MTMR9: variants seen among roughly 807,000 people sequenced by gnomAD.
MTMR9 encodes the protein myotubularin related protein 9, also known as myotubularin-related protein 9.
A neutral mutation model predicts 69.5 loss-of-function variants in MTMR9; 39 were observed. The ratio of observed to expected loss-of-function variants is 0.56; its 90% CI spans 0.43 to 0.73. MTMR9 has a LOEUF of 0.73. Among genes scored for constraint, MTMR9 ranks in the 30% least tolerant of loss-of-function variants. MTMR9 has a pLI of 0.00. For synonymous variants in MTMR9, 354 were observed against 240.8 expected (o/e 1.47, Z -4.35); for missense variants, 900 against 671.2 (o/e 1.34, Z -3.77).
At chr8:11,288,228 AAT>A (rs1212879888) in intron 1 of MTMR9, among the ~76,000 whole-genome samples, 1 of 134,310 alleles carries the variant, frequency 7.4e-6, no homozygotes, top group Non-Finnish European at 1.5e-5. Flanking sequence ...TAATAATTAT[AAT>A]ATATAATAAT....
chr8:11,335,391 C>T, the MTMR9 span, among the ~76,000 whole-genome samples: 43 of 152,162 alleles, frequency 2.8e-4, no homozygotes, highest in African/African-American at 8.9e-4. Context: ...AAGAAAGCTA[C>T]GAAGTTCTGA....
At chr8:11,302,490 A>T (rs775154205) in intron 3 of MTMR9, among the ~76,000 whole-genome samples, 5 of 152,108 alleles carry the variant, frequency 3.3e-5, no homozygotes, top group Non-Finnish European at 7.4e-5. Flanking sequence ...TTAAAAGACA[A>T]ATGACCTGCA....
At chr8:11,308,404 T>G (rs1485701625) in intron 5 of MTMR9, among the ~76,000 whole-genome samples, 1 of 152,234 alleles carries the variant, frequency 6.6e-6, no homozygotes, top group East Asian at 1.9e-4. Context: ...TGTCTGTTTT[T>G]ATGCCAGTGC....
intron 1 of MTMR9, among the ~76,000 whole-genome samples, chr8:11,293,888 C>G (rs1466706263): frequency 6.6e-6 from 1 of 151,576 alleles, no homozygotes; most frequent in African/African-American, 2.4e-5. Flanking sequence ...CTCTTTTTTT[C>G]TGTTCAGTTG....
chr8:11,295,287 A>T lies in MTMR9; in HGVS notation c.276A>T (p.Ile92=). ...CTGGAATGGAGGAATGCTTGAATAT[A>T]GCCAGTTCCATTGAGGTAAGTATTT... is the stretch of plus-strand genomic sequence containing the variant. ...DIPGMEECLN[I]ASSIEALSTL... is the part of the protein sequence containing the mutation. Residue 92 remains isoleucine, a synonymous_variant, in exon 2 of 10, where the codon ATA becomes ATT. Coordinates refer to ENST00000221086, the MANE Select transcript of MTMR9 (RefSeq NM_015458.4). The T allele has an allele frequency of 6.3e-7, 1 of 1,592,426 alleles. No homozygotes were observed. The highest frequency in any genetic ancestry group is 1.1e-5 in the South Asian group (1 of 90,060).
intron 3 of MTMR9, among the ~76,000 whole-genome samples, chr8:11,302,703 T>C (rs1394518046): frequency 1.3e-5 from 2 of 152,146 alleles, no homozygotes; most frequent in Non-Finnish European, 2.9e-5. Context: ...TCTAGTCAGC[T>C]CAATAAGACA....
chr8:11,286,873 G>A (rs1311717148), intron 1 of MTMR9, among the ~76,000 whole-genome samples: 1 of 152,046 alleles, frequency 6.6e-6, no homozygotes, highest in Non-Finnish European at 1.5e-5. Context: ...GCTGGTATAT[G>A]TCCTGTATTC....
intron 6 of MTMR9, among the ~76,000 whole-genome samples, 163 bp downstream of exon 6, chr8:11,309,851 G>A (rs931218317): frequency 6.6e-6 from 1 of 152,154 alleles, no homozygotes; most frequent in Non-Finnish European, 1.5e-5. Flanking sequence ...CTAGAGTCTG[G>A]CATTTAATAG....
chr8:11,293,866 T>G, intron 1 of MTMR9, among the ~76,000 whole-genome samples: 1 of 152,194 alleles, frequency 6.6e-6, no homozygotes, highest in East Asian at 1.9e-4. Flanking sequence ...TGTAAGTGGA[T>G]CTATTTCTGG....
At chr8:11,299,402 C>G (rs765954923) in intron 2 of MTMR9, among the ~76,000 whole-genome samples, 2 of 152,166 alleles carry the variant, frequency 1.3e-5, no homozygotes, top group Non-Finnish European at 2.9e-5. Flanking sequence ...CATTATCTCT[C>G]TTAATGCTTC....
chr8:11,338,109 T>A, the MTMR9 span, among the ~76,000 whole-genome samples: 2 of 152,224 alleles, frequency 1.3e-5, no homozygotes, highest in African/African-American at 4.8e-5. Context: ...TTGGAGACAC[T>A]GTCCCATGAC....
intron 7 of MTMR9, among the ~76,000 whole-genome samples, chr8:11,315,281 G>T (rs1180782651): frequency 1.3e-5 from 2 of 152,164 alleles, no homozygotes; most frequent in Non-Finnish European, 2.9e-5. Flanking sequence ...GGAAACTCCT[G>T]TTGGCTGTGC....
chr8:11,290,325 G>A (rs1241541760), intron 1 of MTMR9, among the ~76,000 whole-genome samples: 1 of 151,510 alleles, frequency 6.6e-6, no homozygotes, highest in Non-Finnish European at 1.5e-5. Flanking sequence ...TCCTTCTCAT[G>A]TTGATTTGCA....
rs1450313069 is a variant in MTMR9 at position 11,328,134 on chromosome 8, C to G, written c.*5346C>G. 6.7e-6 allele frequency: 1 copy of G among 149,538 alleles called. No individual in the cohort carries two copies. The highest frequency in any genetic ancestry group is 1.5e-5 in the Non-Finnish European group (1 of 67,704). 9.3% of individuals were successfully genotyped at this position (149,538 alleles called of 1,614,324 possible). On this transcript the variant is annotated 3_prime_UTR_variant, in exon 10 of 10. Transcript: ENST00000221086. Reference sequence around the variant, plus strand: ...AATAAAATCTGAATATATTTAAGTGCTAATAAATTAAATCTGTGGGCTTAT... The same window carrying G: ...AATAAAATCTGAATATATTTAAGTGGTAATAAATTAAATCTGTGGGCTTAT...
At chr8:11,314,684 G>A (rs910516167) in intron 6 of MTMR9, among the ~76,000 whole-genome samples, 1 of 152,192 alleles carries the variant, frequency 6.6e-6, no homozygotes, top group Non-Finnish European at 1.5e-5. Flanking sequence ...CTTGCCATGT[G>A]AAATTTGAGA....
the MTMR9 span, among the ~76,000 whole-genome samples, chr8:11,333,522 G>A: frequency 1.3e-5 from 2 of 152,174 alleles, no homozygotes; most frequent in Non-Finnish European, 2.9e-5. Flanking sequence ...CCTTCAGTGA[G>A]ATGAAAGAAC....
downstream of MTMR9, among the ~76,000 whole-genome samples, chr8:11,329,724 C>A (rs915266563): frequency 6.6e-6 from 1 of 152,238 alleles, no homozygotes; most frequent in Admixed American, 6.5e-5. Context: ...GCAGCCTCTG[C>A]CCGGCCGCCA....
chr8:11,307,803 G>A (rs941838193), intron 5 of MTMR9, among the ~76,000 whole-genome samples: 1 of 152,130 alleles, frequency 6.6e-6, no homozygotes, highest in Non-Finnish European at 1.5e-5. Flanking sequence ...GATGAGTGAT[G>A]CAGAGCATTT....
At chr8:11,296,261 T>C (rs1799556457) in intron 2 of MTMR9, among the ~76,000 whole-genome samples, 1 of 152,206 alleles carries the variant, frequency 6.6e-6, no homozygotes, top group African/African-American at 2.4e-5. Context: ...ATAGTACCTA[T>C]CTTTTAGGGC....
Sources: gnomAD v4.1 joint callset for allele counts (sites outside exome capture counted in the v4.1 genomes callset) on GRCh38, gnomAD v4.1.1 for gene constraint, MANE v1.5 for transcripts, NCBI Gene and HGNC (gene_info 2026-07-23, HGNC 2026-07-21) for gene names.